Variants in DPP10 observed in about 807,000 individuals in gnomAD.
DPP10 encodes dipeptidyl peptidase like 10.
In DPP10, 33 loss-of-function variants were observed where a neutral mutation model predicts 120.9. The observed-to-expected ratio is 0.27, with a 90% CI of 0.21 to 0.37. The LOEUF is 0.37. Ranked by LOEUF, DPP10 falls within the 10% of genes least tolerant of loss-of-function variation. The pLI, the probability that DPP10 is intolerant of heterozygous loss-of-function variation, is 1.00. For missense variants in DPP10, 816 were observed against 942.8 expected (o/e 0.87, Z 1.76); for synonymous variants, 337 against 326.1 (o/e 1.03, Z -0.36).
intron 1 of DPP10, among the ~76,000 whole-genome samples, chr2:115,070,252 A>G (rs2105448853): frequency 6.6e-6 from 1 of 152,252 alleles, no homozygotes; most frequent in South Asian, 2.1e-4. Context: ...ATTATTTCTT[A>G]ACACACTCTG....
chr2:114,449,469 CTTT>C (rs75538905), intron 1 of DPP10, among the ~76,000 whole-genome samples: 2 of 139,910 alleles, frequency 1.4e-5, no homozygotes, highest in African/African-American at 2.6e-5. Flanking sequence ...TGATGTTTTT[CTTT>C]TTTTTTTTTT....
At chr2:114,869,261 A>G (rs1690488627) in intron 1 of DPP10, among the ~76,000 whole-genome samples, 1 of 152,140 alleles carries the variant, frequency 6.6e-6, no homozygotes, top group Non-Finnish European at 1.5e-5. Flanking sequence ...GTTTATGAGC[A>G]TATACGATAC....
At chr2:115,334,216 C>T (rs570942728) in intron 2 of DPP10, among the ~76,000 whole-genome samples, 7 of 42,500 alleles carry the variant, frequency 1.6e-4, no homozygotes, top group Non-Finnish European at 4.4e-4. Context: ...CAGGAATGGA[C>T]CAGAGCAGAC....
intron 1 of DPP10, among the ~76,000 whole-genome samples, chr2:115,280,834 C>A (rs1209778539): frequency 1.3e-5 from 2 of 152,180 alleles, no homozygotes; most frequent in Non-Finnish European, 2.9e-5. Context: ...AAATTCGTTT[C>A]TATGGATAAC....
intron 7 of DPP10, among the ~76,000 whole-genome samples, chr2:115,697,748 G>A (rs1335384986): frequency 2.0e-5 from 3 of 152,082 alleles, no homozygotes; most frequent in African/African-American, 7.2e-5. Flanking sequence ...CACTTTAGGA[G>A]GCTGAGGCGG....
At chr2:115,774,242 C>T (rs919064399) in intron 13 of DPP10, among the ~76,000 whole-genome samples, 1 of 127,306 alleles carries the variant, frequency 7.9e-6, no homozygotes, top group Non-Finnish European at 1.7e-5. Flanking sequence ...ACACACACAC[C>T]AAAATACTCT....
At chr2:115,830,595 A>G (rs67778821) in intron 21 of DPP10, among the ~76,000 whole-genome samples, 40,363 of 151,996 alleles carry the variant, frequency 0.27, 5,695 homozygotes, top group Middle Eastern at 0.45. Context: ...CAGTAAGGAG[A>G]GCTATATGGA....
intron 1 of DPP10, among the ~76,000 whole-genome samples, chr2:115,123,074 A>G (rs1429362353): frequency 6.6e-6 from 1 of 152,204 alleles, no homozygotes; most frequent in Non-Finnish European, 1.5e-5. Flanking sequence ...CACAGCACCA[A>G]TGTATATTAC....
At position 115,840,318 on chromosome 2, in the gene DPP10, G is replaced by GTTTTTTTTTTTTTTTTT. The variant is rs1559227733; in HGVS notation, c.2183-432_2183-431insTTTTTTTTTTTTTTTTT. Among the ~76,000 whole-genome samples the GTTTTTTTTTTTTTTTTT allele has an allele frequency of 2.2e-4, 7 of 31,886 alleles. 1 individual carries two copies. The highest frequency in any genetic ancestry group is 6.8e-4 in the African/African-American group (7 of 10,230). 20.9% of individuals were successfully genotyped at this position (31,886 alleles called of 152,430 possible). A position where few individuals can be genotyped will look rare whatever the true frequency, so the allele number is the denominator to read the frequency against. ...CCTAAAGCCAGATATAAGGTTTTTT[G>GTTTTTTTTTTTTTTTTT]GTTTTTTTTTTTTTTTTTTTTTTGA... is the stretch of plus-strand genomic sequence containing the variant. On this transcript the variant is annotated intron_variant, in intron 24 of 25. Coordinates refer to ENST00000410059, the MANE Select transcript of DPP10 (RefSeq NM_020868.6).
intron 3 of DPP10, among the ~76,000 whole-genome samples, chr2:115,486,583 G>A (rs1441698137): frequency 1.3e-5 from 2 of 152,064 alleles, no homozygotes; most frequent in Non-Finnish European, 2.9e-5. Context: ...TAAATAGACT[G>A]GACCATTCAA....
intron 1 of DPP10, among the ~76,000 whole-genome samples, chr2:115,007,110 G>C (rs1011355690): frequency 7.9e-5 from 12 of 152,082 alleles, no homozygotes; most frequent in Non-Finnish European, 1.3e-4. Context: ...ACCTACTCCT[G>C]AATGACTACT....
intron 1 of DPP10, among the ~76,000 whole-genome samples, chr2:114,909,296 A>G (rs1694194728): frequency 6.6e-6 from 1 of 151,908 alleles, no homozygotes; most frequent in Admixed American, 6.6e-5. Context: ...TATATGGACT[A>G]CTCCTGATGG....
rs571581173 is a variant in DPP10 at position 115,009,198 on chromosome 2, G to A, written c.61-300041G>A. On this transcript the variant is annotated intron_variant, in intron 1 of 25. Transcript: ENST00000410059. ...CCAACCCAAATGTCCAACAATGATA[G>A]ACTGGATTAAGAAAATGTGGCACAT... Among the ~76,000 whole-genome samples, 215 of 148,220 alleles carry A rather than the reference G, an allele frequency of 1.5e-3. 1 individual carries two copies. Among genetic ancestry groups the A allele is most frequent in the Non-Finnish European group, 2.6e-3 (172 of 67,244 alleles).
intron 1 of DPP10, among the ~76,000 whole-genome samples, chr2:114,488,247 G>C (rs1030505016): frequency 1.3e-5 from 2 of 152,188 alleles, no homozygotes; most frequent in African/African-American, 4.8e-5. Context: ...CGGGACAGGG[G>C]TGTGGGACTT....
chr2:114,551,274 C>T (rs186390708), intron 1 of DPP10, among the ~76,000 whole-genome samples: 172 of 152,312 alleles, frequency 1.1e-3, no homozygotes, highest in African/African-American at 3.7e-3. Context: ...TCAGTGTCAA[C>T]ATTCTCTGGA....
intron 5 of DPP10, among the ~76,000 whole-genome samples, chr2:115,593,482 T>A (rs2149184557): frequency 6.6e-6 from 1 of 152,296 alleles, no homozygotes; most frequent in Non-Finnish European, 1.5e-5. Flanking sequence ...TTACTGACGT[T>A]TAAGTTGTCT....
rs1486184347 is a variant in DPP10, at chr2:115,118,099, A to ACC, written c.61-191140_61-191139insCC. On this transcript the variant is annotated intron_variant, in intron 1 of 25. Coordinates refer to ENST00000410059, the MANE Select transcript of DPP10 (RefSeq NM_020868.6). ...ATGGGTTCCAATCTAGATAAATGGCAAAGCTATTCTCCTGTTTACTCAAGA... is the reference window on the plus strand; with the variant it reads ...ATGGGTTCCAATCTAGATAAATGGCACCAAGCTATTCTCCTGTTTACTCAAGA... 3.3e-5 allele frequency among the ~76,000 whole-genome samples: 5 copies of ACC among 152,188 alleles called. No individual in the cohort carries two copies. The East Asian group carries it at 7.7e-4, about 23-fold the overall frequency.
chr2:114,497,333 A>G (rs1255280753), intron 1 of DPP10, among the ~76,000 whole-genome samples: 1 of 26,180 alleles, frequency 3.8e-5, no homozygotes, highest in South Asian at 7.0e-4. Flanking sequence ...ACGTGTATAC[A>G]TGTACATATA....
intron 1 of DPP10, among the ~76,000 whole-genome samples, chr2:114,790,740 T>C (rs1683169331): frequency 6.6e-6 from 1 of 152,150 alleles, no homozygotes; most frequent in African/African-American, 2.4e-5. Context: ...TTTCACAAGG[T>C]ACTGTCATCA....
Sources: allele counts gnomAD v4.1 joint callset (sites outside exome capture counted in the v4.1 genomes callset), GRCh38; gene constraint gnomAD v4.1.1; transcripts MANE v1.5; gene names NCBI Gene and HGNC (gene_info 2026-07-23, HGNC 2026-07-21).